ARHGEF11: variants seen among roughly 807,000 people sequenced by gnomAD.
The protein encoded by ARHGEF11 is Rho guanine nucleotide exchange factor 11.
In ARHGEF11, 55 loss-of-function variants were observed where a neutral mutation model predicts 193.7. That is an observed-to-expected ratio of 0.28 (90% CI 0.23 to 0.36). The LOEUF is 0.36. Among genes scored for constraint, ARHGEF11 ranks in the 10% least tolerant of loss-of-function variants. The probability of loss-of-function intolerance (pLI) is 1.00; values close to 1 mark genes in which losing one functional copy is unlikely to be tolerated. For synonymous variants in ARHGEF11, 693 were observed against 768.0 expected (o/e 0.90, Z 1.62); for missense variants, 1,723 against 2,005.6 (o/e 0.86, Z 2.69).
chr1:156,965,253 G>A (rs1661528695), intron 11 of ARHGEF11, among the ~76,000 whole-genome samples: 1 of 152,118 alleles, frequency 6.6e-6, no homozygotes, highest in Admixed American at 6.6e-5. Flanking sequence ...CCACCTGAAG[G>A]AAAGCCTTTC....
intron 21 of ARHGEF11, among the ~76,000 whole-genome samples, chr1:156,953,262 G>A (rs552551606): frequency 1.3e-5 from 2 of 152,192 alleles, no homozygotes; most frequent in Non-Finnish European, 2.9e-5. Context: ...TGGGCATATA[G>A]TGAGACCCTC....
At chr1:156,968,545 C>T (rs1662042023) in intron 10 of ARHGEF11, among the ~76,000 whole-genome samples, 2 of 145,240 alleles carry the variant, frequency 1.4e-5, no homozygotes, top group African/African-American at 5.2e-5. Context: ...GTGACTTTCC[C>T]ACATACCGAT....
chr1:157,026,520 C>T (rs1004718776), intron 1 of ARHGEF11, among the ~76,000 whole-genome samples: 8 of 152,178 alleles, frequency 5.3e-5, no homozygotes, highest in Admixed American at 5.2e-4. Context: ...AGGGCTAGAA[C>T]TGTAGAAGAG....
intron 3 of ARHGEF11, 30 bp from the exon 4 acceptor site, chr1:156,980,516 C>T: frequency 6.4e-7 from 1 of 1,573,856 alleles, no homozygotes; most frequent in Non-Finnish European, 8.6e-7. Context: ...TCAGCAGTGC[C>T]CAACAACCTC....
At chr1:156,945,930 G>A (rs938204464) in intron 29 of ARHGEF11, 115 bp downstream of exon 29, 7 of 762,590 alleles carry the variant, frequency 9.2e-6, no homozygotes, top group Admixed American at 2.4e-5. Flanking sequence ...GAAAAAGGAC[G>A]AAGACACCAA....
chr1:156,993,349 C>T (rs1666037565), intron 1 of ARHGEF11, among the ~76,000 whole-genome samples: 1 of 152,042 alleles, frequency 6.6e-6, no homozygotes, highest in South Asian at 2.1e-4. Context: ...TGTGCCCACA[C>T]ACATATAATA....
At position 156,958,880 on chromosome 1, in the gene ARHGEF11, A is replaced by C. The variant is rs929739724; in HGVS notation, c.1380-16T>G. The C allele has an allele frequency of 6.2e-7, 1 of 1,614,064 alleles. No individual in the cohort carries two copies. ...GCGCTTCGTTCTAAGCCAGATAAAC[A>C]CAGGGAAAGAAAGAAATATACACAA... On this transcript the variant is annotated splice_polypyrimidine_tract_variant and intron_variant, in intron 16 of 40. Transcript: ENST00000368194.
intron 4 of ARHGEF11, 29 bp from the exon 5 acceptor site, chr1:156,979,315 A>G: frequency 6.3e-7 from 1 of 1,578,160 alleles, no homozygotes; most frequent in Non-Finnish European, 8.7e-7. Flanking sequence ...GTATTGAGTA[A>G]TGGTAATGAA....
At position 156,986,215 on chromosome 1, in the gene ARHGEF11, G is replaced by C. The variant is rs754912747; in HGVS notation, c.33-42C>G. 21 of 1,543,934 alleles carry C rather than the reference G, an allele frequency of 1.4e-5. No individual in the cohort carries two copies. The Admixed American group carries it at 1.8e-4, about 14-fold the overall frequency. On this transcript the variant is annotated intron_variant, in intron 1 of 40. Coordinates refer to ENST00000368194, the MANE Select transcript of ARHGEF11 (RefSeq NM_198236.3). ...GAAAGCATGTCAATGAGCTCAGCAG[G>C]GGGGATCAGCCTTGTAGTAGATGGA...
intron 8 of ARHGEF11, among the ~76,000 whole-genome samples, chr1:156,970,691 C>T (rs1366042319): frequency 6.6e-6 from 1 of 152,186 alleles, no homozygotes; most frequent in Non-Finnish European, 1.5e-5. Flanking sequence ...AGACTCATCA[C>T]CTCATAGCAC....
At chr1:156,945,481 T>C in intron 29 of ARHGEF11, 1 of 422,716 alleles carries the variant, frequency 2.4e-6, no homozygotes, top group Non-Finnish European at 4.2e-6. Flanking sequence ...GGACAGAGAC[T>C]GTGGTAAATG....
chr1:156,967,861 T>C, intron 11 of ARHGEF11, 126 bp downstream of exon 11: 7 of 1,302,936 alleles, frequency 5.4e-6, no homozygotes, highest in Non-Finnish European at 7.6e-6. Context: ...AGTGACTGTC[T>C]CAAAGTTTGG....
chr1:156,983,157 CTTTT>C (rs1016673718), intron 3 of ARHGEF11, among the ~76,000 whole-genome samples: 5 of 152,324 alleles, frequency 3.3e-5, no homozygotes, highest in African/African-American at 1.2e-4. Context: ...AAGTTCACTC[CTTTT>C]AGGGACACTT....
Position 157,022,840 on chromosome 1 carries a change from T to C in ARHGEF11, c.32+21459A>G, listed in dbSNP as rs74808096. Among the ~76,000 whole-genome samples, 1,207 of 152,254 alleles carry C rather than the reference T, an allele frequency of 7.9e-3. 15 individuals carry two copies. Among genetic ancestry groups the C allele is most frequent in the African/African-American group, 0.026 (1,084 of 41,532 alleles). Reference sequence around the variant, plus strand: ...TGGAATGGAACTGAGAAACCAGAAATAGGCCATCACATTTATGGGTCCACT... The same window carrying C: ...TGGAATGGAACTGAGAAACCAGAAACAGGCCATCACATTTATGGGTCCACT... On this transcript the variant is annotated intron_variant, in intron 1 of 40. Coordinates refer to ENST00000368194, the MANE Select transcript of ARHGEF11 (RefSeq NM_198236.3).
chr1:156,991,702 TCAAGC>T (rs1239530992), intron 1 of ARHGEF11, among the ~76,000 whole-genome samples: 1 of 147,688 alleles, frequency 6.8e-6, no homozygotes, highest in African/African-American at 2.5e-5. Context: ...TTTCTTTTTT[TCAAGC>T]TTATTTTTTT....
rs1661326319 is a variant in ARHGEF11, at chr1:156,963,834, A to T, written c.964-240T>A. ...TCAGAGCAGCCTGGTCACATGACAT[A>T]TGAAGATGGGAAGTAGGAGAAAATG... is the stretch of plus-strand genomic sequence containing the variant. On this transcript the variant is annotated intron_variant, in intron 11 of 40. Transcript: ENST00000368194. 2.4e-6 allele frequency: 3 copies of T among 1,236,340 alleles called. No individual in the cohort carries two copies. The East Asian group carries it at 9.0e-5, about 37-fold the overall frequency. 76.6% of individuals were successfully genotyped at this position (1,236,340 alleles called of 1,614,324 possible). A position where few individuals can be genotyped will look rare whatever the true frequency, so the allele number is the denominator to read the frequency against.
At position 157,035,831 on chromosome 1, in the gene ARHGEF11, T is replaced by A. The variant is rs1229635925; in HGVS notation, c.32+8468A>T. ...GAATATATATATAGGAATATATATATGGAATATATATATGTATATATTTAG... is the reference window on the plus strand; with the variant it reads ...GAATATATATATAGGAATATATATAAGGAATATATATATGTATATATTTAG... On this transcript the variant is annotated intron_variant, in intron 1 of 40. Transcript: ENST00000368194. Among the ~76,000 whole-genome samples the A allele has an allele frequency of 4.5e-3, 299 of 65,760 alleles. 24 individuals carry two copies. The highest frequency in any genetic ancestry group is 0.011 in the African/African-American group (267 of 24,312). The allele number at this position is 65,760 out of a possible 152,430, so 43.1% of individuals were successfully genotyped here.
At chr1:156,955,263 G>C (rs192388685) in intron 20 of ARHGEF11, among the ~76,000 whole-genome samples, 1 of 151,520 alleles carries the variant, frequency 6.6e-6, no homozygotes, top group East Asian at 2.0e-4. Flanking sequence ...GGAATCTCTG[G>C]GTCCCAAACT....
chr1:156,993,107 C>T (rs1184797632), intron 1 of ARHGEF11, among the ~76,000 whole-genome samples: 2 of 152,218 alleles, frequency 1.3e-5, no homozygotes, highest in East Asian at 1.9e-4. Context: ...TAATTCAATA[C>T]TCACAAAAGT....
Sources: allele counts gnomAD v4.1 joint callset (sites outside exome capture counted in the v4.1 genomes callset), GRCh38; gene constraint gnomAD v4.1.1; transcripts MANE v1.5; gene names NCBI Gene and HGNC (gene_info 2026-07-23, HGNC 2026-07-21).